GNAS: variants seen among roughly 807,000 people sequenced by gnomAD.
GNAS encodes GNAS complex locus.
A neutral mutation model predicts 54.5 loss-of-function variants in GNAS; 8 were observed. That is an observed-to-expected ratio of 0.15 (90% CI 0.09 to 0.26). The LOEUF is 0.26. Among genes scored for constraint, GNAS ranks in the 10% least tolerant of loss-of-function variants. The pLI is 1.00. For synonymous variants in GNAS, 204 were observed against 191.4 expected, an observed-to-expected ratio of 1.07 and a Z score of -0.54; for missense variants, 170 against 529.8, an observed-to-expected ratio of 0.32 and a Z score of 6.67.
chr20:58,899,817 C>G, intron 3 of GNAS: 1 of 655,702 alleles, frequency 1.5e-6, no homozygotes, highest in South Asian at 1.8e-5. Flanking sequence ...TCTCATGAGA[C>G]CATCCAGAAC....
At position 58,910,924 on chromosome 20, in the gene GNAS, G is replaced by C. The variant is rs1358944745; in HGVS notation, c.*95G>C. ...CAGTTAATCACCCACCATAGGGCAT[G>C]ATTAACAAAGCAACCTTTCCCTTCC... On this transcript the variant is annotated 3_prime_UTR_variant, in exon 13 of 13. Coordinates refer to ENST00000371085, the MANE Select transcript of GNAS (RefSeq NM_000516.7). The surrounding 1 kb of genome is among the most constrained non-coding windows in gnomAD (Gnocchi z 5.8). 4 of 1,223,576 alleles carry C rather than the reference G, an allele frequency of 3.3e-6. No homozygotes were observed. The Admixed American group carries it at 7.0e-5, about 21-fold the overall frequency. 75.8% of individuals were successfully genotyped at this position (1,223,576 alleles called of 1,614,324 possible). A position where few individuals can be genotyped will look rare whatever the true frequency, so the allele number is the denominator to read the frequency against.
At chr20:58,855,033 C>T (rs773990987) in intron 1 of GNAS, 5 of 1,612,816 alleles carry the variant, frequency 3.1e-6, no homozygotes, top group African/African-American at 2.7e-5. Context: ...CGGATGCCTC[C>T]GCTGGTTTCA....
rs2089333115 is a variant in GNAS, at chr20:58,891,616, CCGCGCCCGG to C, written c.-109_-101del. On this transcript the variant is annotated 5_prime_UTR_variant, in exon 1 of 13. Coordinates refer to ENST00000371085, the MANE Select transcript of GNAS (RefSeq NM_000516.7). ...CGCGCTCCTTGCCGAGGAGCCGAGC[CCGCGCCCGG>C]CCCGCCCGCCCGGCGCTGCCCCGGC... 1 of 971,986 alleles carries C rather than the reference CCGCGCCCGG, an allele frequency of 1.0e-6. No homozygotes were observed. The highest frequency in any genetic ancestry group is 6.5e-5 in the Admixed American group (1 of 15,464). 60.2% of individuals were successfully genotyped at this position (971,986 alleles called of 1,614,324 possible).
At position 58,841,614 on chromosome 20, in the gene GNAS, C is replaced by CCG. The variant is rs1316526017; in HGVS notation, c.43+736_43+737dup. 1.9e-6 allele frequency: 2 copies of CCG among 1,046,948 alleles called. No homozygotes were observed. Among genetic ancestry groups the CCG allele is most frequent in the Non-Finnish European group, 2.3e-6 (2 of 870,342 alleles). The allele number at this position is 1,046,948 out of a possible 1,614,324, so 64.9% of individuals were successfully genotyped here. A position where few individuals can be genotyped will look rare whatever the true frequency, so the allele number is the denominator to read the frequency against. On this transcript the variant is annotated intron_variant, in intron 1 of 12. Coordinates refer to the GNAS transcript ENST00000306090. The surrounding 1 kb of genome is among the most constrained non-coding windows in gnomAD (Gnocchi z 5.0). The stretch of plus-strand genomic sequence containing the variant: ...CGCCTCAAAGAGCGTGCGCACCTGC[C>CCG]CGCGCGCGCCGGAGCTGACCTCTCC...
upstream of GNAS, chr20:58,840,242 G>C (rs557714686): frequency 5.6e-6 from 9 of 1,611,110 alleles, no homozygotes; most frequent in South Asian, 9.9e-5. This position sits in a 1 kb window ranked among gnomAD's most constrained non-coding sequence, Gnocchi z 6.0. Flanking sequence ...CCGCGCCCTT[G>C]CCACCTCCAA....
chr20:58,909,928 T>C lies in GNAS; in HGVS notation c.840-23T>C. The C allele has an allele frequency of 6.2e-7, 1 of 1,614,060 alleles. No homozygotes were observed. The highest frequency in any genetic ancestry group is 1.7e-4 in the Middle Eastern group (1 of 6,014). ...CCGAAAGCGCGCTTCTCCCAAGCAT[T>C]CACACGGCCTCCCTTCTTGTAGATG... On this transcript the variant is annotated intron_variant, in intron 10 of 12. Transcript: ENST00000371085. The surrounding 1 kb of genome is among the most constrained non-coding windows in gnomAD (Gnocchi z 7.3).
chr20:58,853,604 CT>C lies in GNAS; in HGVS notation c.43+12720del. The C allele has an allele frequency of 6.2e-7, 1 of 1,613,388 alleles. No homozygotes were observed. Among genetic ancestry groups the C allele is most frequent in the Non-Finnish European group, 8.5e-7 (1 of 1,179,890 alleles). On this transcript the variant is annotated intron_variant, in intron 1 of 12. Transcript: ENST00000306090. The surrounding 1 kb of genome is among the most constrained non-coding windows in gnomAD (Gnocchi z 4.4). ...AGGCTGAACAGCCCAGCTTGGGAGG[CT>C]TCTGGCCTACACTGGAGCAGCCTGG...
chr20:58,887,699 C>T (rs533422747), upstream of GNAS, among the ~76,000 whole-genome samples: 11 of 152,302 alleles, frequency 7.2e-5, no homozygotes, highest in African/African-American at 2.4e-4. Context: ...AACTTTTCAG[C>T]CAAGTTCAAG....
At chr20:58,895,414 A>G in intron 1 of GNAS, 198 bp from the exon 2 acceptor site, 1 of 597,168 alleles carries the variant, frequency 1.7e-6, no homozygotes, top group Non-Finnish European at 3.0e-6. Context: ...ATGGTGAAAT[A>G]CTGCAGGTAG....
intron 1 of GNAS, chr20:58,867,391 G>A (rs1486731935): frequency 3.3e-5 from 5 of 152,192 alleles, no homozygotes; most frequent in African/African-American, 1.2e-4. Context: ...TTTCTGAGTG[G>A]GAGTCTTTGG....
intron 1 of GNAS, among the ~76,000 whole-genome samples, chr20:58,858,771 C>A (rs1254223767): frequency 6.6e-6 from 1 of 152,060 alleles, no homozygotes; most frequent in Non-Finnish European, 1.5e-5. Context: ...GCAGAAGCAC[C>A]TTTTTATTTT....
At chr20:58,868,688 C>T (rs548226468) in intron 1 of GNAS, among the ~76,000 whole-genome samples, 89 of 152,282 alleles carry the variant, frequency 5.8e-4, no homozygotes, top group African/African-American at 2.0e-3. Flanking sequence ...AAGGAGTTCT[C>T]GAATTTCTTT....
chr20:58,854,480 G>A, intron 1 of GNAS: 1 of 1,583,774 alleles, frequency 6.3e-7, no homozygotes, highest in East Asian at 2.3e-5. Context: ...CTGACTCCGG[G>A]GCAACCCCAG....
intron 2 of GNAS, among the ~76,000 whole-genome samples, 173 bp downstream of exon 2, chr20:58,895,857 C>G (rs2089995525): frequency 6.6e-6 from 1 of 152,140 alleles, no homozygotes; most frequent in Non-Finnish European, 1.5e-5. Flanking sequence ...TCACCCCCCA[C>G]CCCCTTGGAT....
intron 6 of GNAS, among the ~76,000 whole-genome samples, chr20:58,905,731 G>C (rs2090998717): frequency 1.3e-5 from 2 of 152,286 alleles, no homozygotes; most frequent in Admixed American, 1.3e-4. Flanking sequence ...GCAAAATGAT[G>C]ATGAGTTTCA....
At chr20:58,875,986 C>G (rs946625787) in intron 1 of GNAS, among the ~76,000 whole-genome samples, 4 of 152,186 alleles carry the variant, frequency 2.6e-5, no homozygotes, top group East Asian at 1.9e-4. Flanking sequence ...AACAGCCCCC[C>G]CAACTGTCCT....
chr20:58,861,957 A>G (rs2086805891), intron 1 of GNAS, among the ~76,000 whole-genome samples: 1 of 151,822 alleles, frequency 6.6e-6, no homozygotes. Context: ...TGCCCGCCTC[A>G]GCCACCCAAA....
chr20:58,889,186 G>C, upstream of GNAS: 1 of 1,216,790 alleles, frequency 8.2e-7, no homozygotes, highest in Non-Finnish European at 1.1e-6. Flanking sequence ...ACTCAGTCGC[G>C]TCGGCACCGC....
upstream of GNAS, among the ~76,000 whole-genome samples, chr20:58,889,945 C>T (rs1600941159): frequency 6.6e-6 from 1 of 151,664 alleles, no homozygotes; most frequent in African/African-American, 2.4e-5. Context: ...ACGGCCGCGG[C>T]GGCTGCCGAG....
Sources: gnomAD v4.1 joint callset for allele counts (sites outside exome capture counted in the v4.1 genomes callset) on GRCh38, gnomAD v4.1.1 for gene constraint, Gnocchi (gnomAD v3.1) non-coding constraint, MANE v1.5 for transcripts, NCBI Gene and HGNC (gene_info 2026-07-23, HGNC 2026-07-21) for gene names.